Variants in CAST observed in about 807,000 individuals in gnomAD.
CAST encodes calpastatin, also known as MIR583 host.
A neutral mutation model predicts 119.6 loss-of-function variants in CAST; 76 were observed. That is an observed-to-expected ratio of 0.64 (90% confidence interval 0.53 to 0.77). The LOEUF is 0.77. CAST is among the 30% of genes least tolerant of loss of function. The pLI is 0.00. For synonymous variants in CAST, 319 were observed against 331.6 expected (o/e 0.96, Z 0.41); for missense variants, 953 against 946.5 (o/e 1.01, Z -0.09).
At chr5:96,122,616 T>C in the CAST span, among the ~76,000 whole-genome samples, 3 of 152,268 alleles carry the variant, frequency 2.0e-5, no homozygotes, top group South Asian at 6.2e-4. Context: ...CTTGCATCCA[T>C]GTGTTCGAGG....
chr5:96,240,394 T>C, the CAST span, among the ~76,000 whole-genome samples: 5 of 152,162 alleles, frequency 3.3e-5, no homozygotes, highest in African/African-American at 1.2e-4. Context: ...GTGAAGCTGC[T>C]GGGCAAGCGT....
the CAST span, among the ~76,000 whole-genome samples, chr5:96,506,860 C>A: frequency 6.6e-6 from 1 of 152,194 alleles, no homozygotes; most frequent in Non-Finnish European, 1.5e-5. Context: ...TGGGCCCATA[C>A]ACTAAGCCTG....
At chr5:96,550,375 C>T (rs1015288930) in intron 1 of CAST, among the ~76,000 whole-genome samples, 1 of 152,186 alleles carries the variant, frequency 6.6e-6, no homozygotes, top group South Asian at 2.1e-4. Flanking sequence ...TCAACATCAA[C>T]AAAAAGGACA....
At chr5:96,294,490 G>A in the CAST span, among the ~76,000 whole-genome samples, 5 of 152,310 alleles carry the variant, frequency 3.3e-5, no homozygotes, top group Admixed American at 2.0e-4. Flanking sequence ...TAATGTCCAG[G>A]AAGTTGATTT....
At chr5:96,049,885 G>A in the CAST span, among the ~76,000 whole-genome samples, 3 of 34,404 alleles carry the variant, frequency 8.7e-5, no homozygotes, top group African/African-American at 2.7e-4. Context: ...AACAGAACAG[G>A]AGGCAAAAAA....
chr5:96,767,872 T>G lies in CAST; in HGVS notation c.2176-35T>G, dbSNP rs765145654. On this transcript the variant is annotated intron_variant, in intron 28 of 31. Transcript: ENST00000675179. The stretch of plus-strand genomic sequence containing the variant: ...CCCCATATTGCATTTTGCCTTCTGC[T>G]TCTTCACTGATGGTTATTTCTACTC... The G allele has an allele frequency of 2.1e-5, 30 of 1,420,840 alleles. No individual in the cohort carries two copies. In the East Asian group the frequency reaches 6.4e-4, roughly 30 times the overall value. 88.0% of individuals were successfully genotyped at this position (1,420,840 alleles called of 1,614,324 possible).
the CAST span, among the ~76,000 whole-genome samples, chr5:96,461,816 G>C: frequency 3.3e-5 from 5 of 152,080 alleles, no homozygotes; most frequent in African/African-American, 1.2e-4. Flanking sequence ...TTTTATTTGA[G>C]AAGTCAGGTT....
chr5:96,619,623 C>T (rs1197126970), intron 1 of CAST, among the ~76,000 whole-genome samples: 1 of 152,226 alleles, frequency 6.6e-6, no homozygotes, highest in Non-Finnish European at 1.5e-5. Context: ...GTAACGCTCA[C>T]TGCGAAGGTC....
chr5:95,992,094 T>C, the CAST span, among the ~76,000 whole-genome samples: 233 of 152,332 alleles, frequency 1.5e-3, 2 homozygotes, highest in South Asian at 0.027. Flanking sequence ...ATTAATAATA[T>C]GCAGCAGCTA....
chr5:96,461,388 G>A, the CAST span, among the ~76,000 whole-genome samples: 12 of 152,074 alleles, frequency 7.9e-5, no homozygotes, highest in South Asian at 4.2e-4. Context: ...TAGAATTGTC[G>A]GATCATATAG....
At chr5:96,423,734 T>C in the CAST span, among the ~76,000 whole-genome samples, 4 of 152,186 alleles carry the variant, frequency 2.6e-5, no homozygotes, top group African/African-American at 4.8e-5. Flanking sequence ...CTTTGAAGAA[T>C]TTTATCCCTA....
the CAST span, among the ~76,000 whole-genome samples, chr5:96,343,562 GGAGAAGAAGCT>G: frequency 6.6e-6 from 1 of 152,172 alleles, no homozygotes; most frequent in African/African-American, 2.4e-5. Context: ...CTACCTGTAA[GGAGAAGAAGCT>G]GAGTTTCATT....
chr5:96,048,047 G>A, the CAST span, among the ~76,000 whole-genome samples: 3 of 149,578 alleles, frequency 2.0e-5, no homozygotes, highest in South Asian at 6.4e-4. Flanking sequence ...GAGTGTAGAT[G>A]AAGGTCATAC....
At chr5:95,991,093 A>T in the CAST span, among the ~76,000 whole-genome samples, 1 of 152,212 alleles carries the variant, frequency 6.6e-6, no homozygotes, top group African/African-American at 2.4e-5. Flanking sequence ...CTGTATTACC[A>T]TCAAAAATTT....
At chr5:96,158,226 A>G in the CAST span, among the ~76,000 whole-genome samples, 1 of 152,248 alleles carries the variant, frequency 6.6e-6, no homozygotes, top group Admixed American at 6.5e-5. Context: ...AGAGACCATG[A>G]AAAGAGTCAG....
the CAST span, among the ~76,000 whole-genome samples, chr5:96,183,193 TAATA>T: frequency 1.4e-5 from 2 of 146,716 alleles, no homozygotes; most frequent in African/African-American, 4.9e-5. Flanking sequence ...ATAATAATAA[TAATA>T]CAATGTTTCT....
the CAST span, among the ~76,000 whole-genome samples, chr5:96,159,830 C>T: frequency 1.3e-5 from 2 of 152,030 alleles, no homozygotes; most frequent in East Asian, 1.9e-4. Flanking sequence ...CTGTAATTCA[C>T]ATACCATACA....
chr5:96,109,531 A>G, the CAST span, among the ~76,000 whole-genome samples: 2 of 152,214 alleles, frequency 1.3e-5, no homozygotes, highest in African/African-American at 2.4e-5. Context: ...GGCAGTGATC[A>G]GTTGTCCTCT....
the CAST span, among the ~76,000 whole-genome samples, chr5:96,068,772 CTT>C: frequency 2.1e-4 from 32 of 150,604 alleles, no homozygotes; most frequent in Non-Finnish European, 4.1e-4. Context: ...ATATATTTAA[CTT>C]AAATATATAC....
Sources: allele counts gnomAD v4.1 joint callset (sites outside exome capture counted in the v4.1 genomes callset), GRCh38; gene constraint gnomAD v4.1.1; transcripts MANE v1.5; gene names NCBI Gene and HGNC (gene_info 2026-07-23, HGNC 2026-07-21).